Variants in PIEZO2 observed in about 807,000 individuals in gnomAD.
PIEZO2 encodes the protein piezo-type mechanosensitive ion channel component 2.
Under a neutral mutation model 337.3 loss-of-function variants are expected in PIEZO2, and 172 were observed. The ratio of observed to expected loss-of-function variants is 0.51; its 90% confidence interval spans 0.45 to 0.58. The LOEUF (loss-of-function observed/expected upper bound fraction) is 0.58, where lower values mean the gene tolerates loss of function less well. Among genes scored for constraint, PIEZO2 ranks in the 20% least tolerant of loss-of-function variants. The pLI, the probability that PIEZO2 is intolerant of heterozygous loss-of-function variation, is 0.00. For missense variants in PIEZO2, 3,028 were observed against 3,391.3 expected, an observed-to-expected ratio of 0.89 and a Z score of 2.66; for synonymous variants, 1,251 against 1,228.5, an observed-to-expected ratio of 1.02 and a Z score of -0.38.
At chr18:11,136,142 C>T (rs73400594) in intron 1 of PIEZO2, among the ~76,000 whole-genome samples, 3,143 of 152,292 alleles carry the variant, frequency 0.021, 118 homozygotes, top group African/African-American at 0.072. Flanking sequence ...GTGACTTTAA[C>T]GTTTGAAAAC....
Position 10,727,017 on chromosome 18 carries a change from G to A in PIEZO2, c.5029+4390C>T. ...CCCAGAACATGAAGCTGTTTGCTCTGTGCTTCCACGGTCTGGGTGTTTCTT... is the reference window on the plus strand; with the variant it reads ...CCCAGAACATGAAGCTGTTTGCTCTATGCTTCCACGGTCTGGGTGTTTCTT... On this transcript the variant is annotated intron_variant, in intron 36 of 55. Coordinates refer to ENST00000674853, the MANE Select transcript of PIEZO2 (RefSeq NM_001378183.1). The surrounding 1 kb of genome is among the most constrained non-coding windows in gnomAD (Gnocchi z 6.3). 1 of 819,054 alleles carries A rather than the reference G, an allele frequency of 1.2e-6. No homozygotes were observed. The highest frequency in any genetic ancestry group is 1.9e-6 in the Non-Finnish European group (1 of 537,820). 50.7% of individuals were successfully genotyped at this position (819,054 alleles called of 1,614,324 possible).
intron 2 of PIEZO2, among the ~76,000 whole-genome samples, chr18:11,039,018 C>A (rs1352756992): frequency 6.6e-6 from 1 of 152,106 alleles, no homozygotes; most frequent in East Asian, 1.9e-4. Flanking sequence ...GGATATGTGT[C>A]TAATTCACAA....
At position 10,942,989 on chromosome 18, in the gene PIEZO2, T is replaced by C. The variant is rs1458283514; in HGVS notation, c.287-31761A>G. Among the ~76,000 whole-genome samples, 3 of 152,158 alleles carry C rather than the reference T, an allele frequency of 2.0e-5. No individual in the cohort carries two copies. Among genetic ancestry groups the C allele is most frequent in the Non-Finnish European group, 4.4e-5 (3 of 68,020 alleles). The stretch of plus-strand genomic sequence containing the variant: ...GCTCCAAGCCTTGGCAACTTCCACA[T>C]GGTGTTGAGTAGTCTGCGAGTGCAC... On this transcript the variant is annotated intron_variant, in intron 3 of 55. Transcript: ENST00000674853. The surrounding 1 kb of genome is among the most constrained non-coding windows in gnomAD (Gnocchi z 4.4).
intron 20 of PIEZO2, among the ~76,000 whole-genome samples, chr18:10,771,585 G>A (rs2038605397): frequency 6.6e-6 from 1 of 152,198 alleles, no homozygotes. Context: ...CAGTTACTGT[G>A]CCTGGTTCTG....
intron 1 of PIEZO2, among the ~76,000 whole-genome samples, chr18:11,087,004 C>T (rs1321965196): frequency 2.0e-5 from 3 of 152,160 alleles, no homozygotes; most frequent in Admixed American, 6.5e-5. Context: ...TCCTAATCCT[C>T]AAAGTGATGG....
At chr18:10,806,506 A>C (rs2040007250) in intron 8 of PIEZO2, among the ~76,000 whole-genome samples, 1 of 152,052 alleles carries the variant, frequency 6.6e-6, no homozygotes. Flanking sequence ...TGCTGGAAGA[A>C]TATTCGAATC....
At chr18:10,838,658 A>G (rs1223869319) in intron 7 of PIEZO2, among the ~76,000 whole-genome samples, 1 of 152,230 alleles carries the variant, frequency 6.6e-6, no homozygotes, top group Non-Finnish European at 1.5e-5. Flanking sequence ...TAATTATCAC[A>G]GGCATTCTTT....
At chr18:10,948,575 T>C (rs1180216960) in intron 3 of PIEZO2, among the ~76,000 whole-genome samples, 9 of 152,166 alleles carry the variant, frequency 5.9e-5, no homozygotes, top group African/African-American at 1.9e-4. Context: ...TGTTCACTAA[T>C]GAGGTTAGGA....
intron 48 of PIEZO2, 52 bp downstream of exon 48, chr18:10,691,173 T>A: frequency 1.3e-6 from 2 of 1,565,526 alleles, no homozygotes; most frequent in East Asian, 2.3e-5. Flanking sequence ...AAAATGCCTT[T>A]CCACCGCTAT....
chr18:10,784,631 T>C lies in PIEZO2; in HGVS notation c.2492+153A>G, dbSNP rs1017466659. On this transcript the variant is annotated intron_variant, in intron 17 of 55. Transcript: ENST00000674853. This position sits in a 1 kb window ranked among gnomAD's most constrained non-coding sequence, Gnocchi z 4.5. ...AGAACGTGTCACAGAATCTTCCACA[T>C]GTTTTCCTCTTTTTCTCACAAGCTG... Among the ~76,000 whole-genome samples the C allele has an allele frequency of 5.4e-5, 8 of 148,696 alleles. No individual in the cohort carries two copies. The highest frequency in any genetic ancestry group is 2.1e-4 in the African/African-American group (8 of 38,066).
chr18:10,884,607 G>A (rs971041820), intron 4 of PIEZO2, among the ~76,000 whole-genome samples: 2 of 152,170 alleles, frequency 1.3e-5, no homozygotes, highest in Non-Finnish European at 2.9e-5. Context: ...CTTCGTGGAG[G>A]TGGGGTATAA....
intron 4 of PIEZO2, among the ~76,000 whole-genome samples, chr18:10,887,840 C>A (rs1408614198): frequency 6.6e-6 from 1 of 152,142 alleles, no homozygotes; most frequent in Non-Finnish European, 1.5e-5. Flanking sequence ...GCAAAACATA[C>A]ACAGACATGG....
rs891714890 is a variant in PIEZO2 at position 11,078,943 on chromosome 18, C to G, written c.65-12721G>C. On this transcript the variant is annotated intron_variant, in intron 1 of 55. Coordinates refer to ENST00000674853, the MANE Select transcript of PIEZO2 (RefSeq NM_001378183.1). This position sits in a 1 kb window ranked among gnomAD's most constrained non-coding sequence, Gnocchi z 5.3. ...GCTGCCTCAGCCTTCTGCTCTATTA[C>G]CCTTCTTTTCAGTCTACACCACAGC... 3.9e-5 allele frequency among the ~76,000 whole-genome samples: 6 copies of G among 152,314 alleles called. No individual in the cohort carries two copies. The highest frequency in any genetic ancestry group is 2.1e-4 in the South Asian group (1 of 4,824).
chr18:10,963,806 T>C (rs1390904640), intron 3 of PIEZO2, among the ~76,000 whole-genome samples: 1 of 152,254 alleles, frequency 6.6e-6, no homozygotes, highest in East Asian at 1.9e-4. Flanking sequence ...TAGGCTGTTA[T>C]CTGCATTTTG....
intron 4 of PIEZO2, among the ~76,000 whole-genome samples, chr18:10,876,452 A>C (rs1006404309): frequency 6.6e-6 from 1 of 152,240 alleles, no homozygotes; most frequent in Non-Finnish European, 1.5e-5. Flanking sequence ...TCTCTTTGAA[A>C]TGAATGAATA....
intron 2 of PIEZO2, among the ~76,000 whole-genome samples, chr18:11,020,261 G>A (rs981884042): frequency 6.6e-6 from 1 of 152,116 alleles, no homozygotes; most frequent in East Asian, 1.9e-4. Flanking sequence ...CTCAGCCCTT[G>A]TCTGTCTGAT....
chr18:10,811,979 G>T (rs190063515), intron 7 of PIEZO2, among the ~76,000 whole-genome samples: 4 of 152,084 alleles, frequency 2.6e-5, no homozygotes, highest in Non-Finnish European at 1.5e-5. Context: ...GATTACAGGC[G>T]CCCGCCACCA....
intron 1 of PIEZO2, among the ~76,000 whole-genome samples, chr18:11,084,228 G>T (rs2038845339): frequency 6.6e-6 from 1 of 151,160 alleles, no homozygotes; most frequent in African/African-American, 2.4e-5. Flanking sequence ...GGAGAGGCAG[G>T]AAAGGGACCC....
At chr18:10,986,691 T>C (rs889279339) in intron 2 of PIEZO2, among the ~76,000 whole-genome samples, 11 of 151,954 alleles carry the variant, frequency 7.2e-5, no homozygotes, top group African/African-American at 2.2e-4. Context: ...CTGCTTCTAT[T>C]TGACATAGTA....
Sources: gnomAD v4.1 joint callset for allele counts (sites outside exome capture counted in the v4.1 genomes callset) on GRCh38, gnomAD v4.1.1 for gene constraint, Gnocchi (gnomAD v3.1) non-coding constraint, MANE v1.5 for transcripts, NCBI Gene and HGNC (gene_info 2026-07-23, HGNC 2026-07-21) for gene names.